Variants in SYN3 observed in about 807,000 individuals in gnomAD.
SYN3 encodes the protein synapsin-3.
SYN3 carries 35 observed loss-of-function variants against 65.8 expected under a neutral mutation model. That is an observed-to-expected ratio of 0.53 (90% confidence interval 0.41 to 0.70). The LOEUF (loss-of-function observed/expected upper bound fraction) is 0.70, where lower values mean the gene tolerates loss of function less well. Ranked by LOEUF, SYN3 falls within the 30% of genes least tolerant of loss-of-function variation. The pLI, the probability that SYN3 is intolerant of heterozygous loss-of-function variation, is 0.00. For synonymous variants in SYN3, 270 were observed against 292.9 expected (o/e 0.92, Z 0.80); for missense variants, 680 against 749.0 (o/e 0.91, Z 1.08).
At chr22:32,825,484 C>A (rs1487572691) in intron 6 of SYN3, among the ~76,000 whole-genome samples, 2 of 151,494 alleles carry the variant, frequency 1.3e-5, no homozygotes, top group Non-Finnish European at 2.9e-5. Flanking sequence ...CATGGTGAAA[C>A]CCCGTCTTTA....
chr22:32,556,602 G>A (rs2058499940), intron 7 of SYN3, among the ~76,000 whole-genome samples: 1 of 152,070 alleles, frequency 6.6e-6, no homozygotes, highest in Non-Finnish European at 1.5e-5. Flanking sequence ...TTGGGAACTG[G>A]AGCCCTAATG....
chr22:32,870,835 C>A (rs891014440), intron 4 of SYN3, among the ~76,000 whole-genome samples: 3 of 152,208 alleles, frequency 2.0e-5, no homozygotes, highest in African/African-American at 7.2e-5. Context: ...AGTCTGTTCA[C>A]ATCCTTTTCC....
intron 4 of SYN3, among the ~76,000 whole-genome samples, chr22:32,881,913 G>A (rs1467102630): frequency 6.6e-6 from 1 of 152,044 alleles, no homozygotes; most frequent in African/African-American, 2.4e-5. Flanking sequence ...AAAATTAGCT[G>A]GGCATGGTGG....
intron 2 of SYN3, among the ~76,000 whole-genome samples, chr22:32,988,359 TAAAAA>T (rs1478957593): frequency 3.0e-5 from 4 of 134,468 alleles, no homozygotes; most frequent in African/African-American, 8.3e-5. Context: ...AATAAATAGA[TAAAAA>T]GAAAAGTACT....
At chr22:32,854,716 A>G (rs1184869288) in intron 6 of SYN3, among the ~76,000 whole-genome samples, 1 of 152,106 alleles carries the variant, frequency 6.6e-6, no homozygotes, top group Non-Finnish European at 1.5e-5. Flanking sequence ...CCGCGCCCCC[A>G]CCGCGTAATT....
At chr22:32,521,361 A>G (rs567623410) in intron 12 of SYN3, among the ~76,000 whole-genome samples, 1 of 152,226 alleles carries the variant, frequency 6.6e-6, no homozygotes, top group Admixed American at 6.5e-5. Flanking sequence ...GTTGCTGTAT[A>G]GAAACACAGG....
chr22:32,675,378 G>C (rs1404949217), intron 6 of SYN3, among the ~76,000 whole-genome samples: 13 of 152,180 alleles, frequency 8.5e-5, no homozygotes, highest in African/African-American at 3.1e-4. Flanking sequence ...GGAGAGCCAG[G>C]AGCAGGTGCT....
At chr22:32,878,095 G>A (rs904236746) in intron 4 of SYN3, among the ~76,000 whole-genome samples, 1 of 152,114 alleles carries the variant, frequency 6.6e-6, no homozygotes, top group African/African-American at 2.4e-5. Context: ...GCAGGTCTTT[G>A]GGCTTCGAAG....
intron 6 of SYN3, chr22:32,785,054 T>C (rs1357810736): frequency 1.3e-5 from 2 of 151,704 alleles, no homozygotes; most frequent in African/African-American, 4.8e-5. Context: ...CCTCTTTTGT[T>C]ACTTTTCTTT....
At chr22:32,773,190 T>A (rs1417026396) in intron 6 of SYN3, among the ~76,000 whole-genome samples, 2 of 150,322 alleles carry the variant, frequency 1.3e-5, no homozygotes, top group Admixed American at 1.3e-4. Flanking sequence ...GCAGATTGCC[T>A]GAGCTTAGGA....
intron 2 of SYN3, among the ~76,000 whole-genome samples, chr22:32,988,249 G>A (rs1462062652): frequency 1.3e-5 from 2 of 151,626 alleles, no homozygotes; most frequent in East Asian, 3.9e-4. Context: ...GGAGGTTGCA[G>A]TGAGCCAAGA....
At chr22:32,528,852 C>T in intron 11 of SYN3, 22 bp downstream of exon 11, 4 of 1,613,986 alleles carry the variant, frequency 2.5e-6, no homozygotes, top group Non-Finnish European at 3.4e-6. Flanking sequence ...TATAAAGTCT[C>T]CTTTGATCGT....
chr22:32,964,839 G>A (rs1569362246), intron 3 of SYN3, among the ~76,000 whole-genome samples: 1 of 151,902 alleles, frequency 6.6e-6, no homozygotes, highest in African/African-American at 2.4e-5. Context: ...TTTCCTGTCT[G>A]GTGCTGACCT....
At chr22:32,637,896 C>G (rs1452738456) in intron 6 of SYN3, among the ~76,000 whole-genome samples, 1 of 152,128 alleles carries the variant, frequency 6.6e-6, no homozygotes, top group Non-Finnish European at 1.5e-5. Context: ...GCCTTGGCCT[C>G]CCAAAGTGCT....
intron 6 of SYN3, among the ~76,000 whole-genome samples, chr22:32,643,833 T>C (rs2096224821): frequency 1.3e-5 from 2 of 151,766 alleles, no homozygotes; most frequent in South Asian, 4.2e-4. Context: ...GGCTCACACC[T>C]GTAATCCCAA....
intron 7 of SYN3, among the ~76,000 whole-genome samples, chr22:32,592,378 C>T (rs754971643): frequency 1.3e-5 from 2 of 152,342 alleles, no homozygotes; most frequent in East Asian, 1.9e-4. Context: ...TGACTTCTAA[C>T]GAACTTATGG....
chr22:32,720,687 C>T (rs1201260843), intron 6 of SYN3, among the ~76,000 whole-genome samples: 2 of 152,236 alleles, frequency 1.3e-5, no homozygotes, highest in African/African-American at 4.8e-5. Context: ...TAAACCCGGC[C>T]TTGTGGCCTC....
intron 7 of SYN3, among the ~76,000 whole-genome samples, chr22:32,572,443 CTTCCTTTCCTCCCTTCCTTCCTTCTTT>C (rs1569051994): frequency 1.7e-4 from 21 of 126,644 alleles, no homozygotes; most frequent in East Asian, 2.5e-4. Context: ...TCCTTCCCTC[CTTCCTTTCCTCCCTTCCTTCCTTCTTT>C]CTCCTTCCCT....
At chr22:32,663,204 C>T (rs920174928) in intron 6 of SYN3, among the ~76,000 whole-genome samples, 3 of 152,132 alleles carry the variant, frequency 2.0e-5, no homozygotes, top group Non-Finnish European at 2.9e-5. Context: ...CTCTTGCTGC[C>T]GCCATGTAAG....
Sources: allele counts gnomAD v4.1 joint callset (sites outside exome capture counted in the v4.1 genomes callset), GRCh38; gene constraint gnomAD v4.1.1; transcripts MANE v1.5; gene names NCBI Gene and HGNC (gene_info 2026-07-23, HGNC 2026-07-21).